Variants in GPC6 observed in about 807,000 individuals in gnomAD.
GPC6 encodes the protein glypican 6, also known as glypican-6.
Under a neutral mutation model 55.2 loss-of-function variants are expected in GPC6, and 14 were observed. The ratio of observed to expected loss-of-function variants is 0.25; its 90% CI spans 0.17 to 0.40. GPC6 has a LOEUF of 0.40. Ranked by LOEUF, GPC6 falls within the 10% of genes least tolerant of loss-of-function variation. The pLI is 1.00. For missense variants in GPC6, 641 were observed against 708.5 expected, an observed-to-expected ratio of 0.90 and a Z score of 1.08; for synonymous variants, 278 against 259.6, an observed-to-expected ratio of 1.07 and a Z score of -0.68.
chr13:94,065,603 G>A (rs1884490609), intron 4 of GPC6, among the ~76,000 whole-genome samples: 1 of 152,134 alleles, frequency 6.6e-6, no homozygotes. Flanking sequence ...TAACATTCAT[G>A]TACAGAATAT....
At chr13:93,379,246 G>A (rs1739316093) in intron 1 of GPC6, among the ~76,000 whole-genome samples, 1 of 152,090 alleles carries the variant, frequency 6.6e-6, no homozygotes. Flanking sequence ...GACCTATATA[G>A]TGAGCAAATT....
chr13:93,327,321 C>T (rs983431717), intron 1 of GPC6, among the ~76,000 whole-genome samples: 3 of 152,084 alleles, frequency 2.0e-5, no homozygotes, highest in African/African-American at 7.2e-5. Context: ...GATTGTGATA[C>T]CTTTCTTTAC....
At chr13:93,423,212 T>C (rs1876990257) in intron 1 of GPC6, among the ~76,000 whole-genome samples, 1 of 152,050 alleles carries the variant, frequency 6.6e-6, no homozygotes, top group Non-Finnish European at 1.5e-5. Context: ...ATGAGAAAAA[T>C]TAATAAAAAT....
At chr13:93,309,978 A>G (rs1879009848) in intron 1 of GPC6, among the ~76,000 whole-genome samples, 1 of 152,228 alleles carries the variant, frequency 6.6e-6, no homozygotes, top group South Asian at 2.1e-4. Flanking sequence ...AGCATTTTGT[A>G]AGAAGGGTTG....
intron 4 of GPC6, among the ~76,000 whole-genome samples, chr13:94,096,270 C>T (rs984791586): frequency 1.3e-5 from 2 of 150,226 alleles, no homozygotes; most frequent in African/African-American, 2.4e-5. Context: ...GAAGGGACTA[C>T]ATTACTGAAC....
At chr13:93,537,457 C>A (rs2139421511) in intron 1 of GPC6, among the ~76,000 whole-genome samples, 1 of 152,204 alleles carries the variant, frequency 6.6e-6, no homozygotes, top group African/African-American at 2.4e-5. Flanking sequence ...GGACATCAAT[C>A]AGTTATCAAT....
At chr13:93,488,931 G>A (rs1023560029) in intron 1 of GPC6, among the ~76,000 whole-genome samples, 38 of 151,986 alleles carry the variant, frequency 2.5e-4, no homozygotes, top group Admixed American at 3.9e-4. Flanking sequence ...GCCTGTTCCC[G>A]CTGATGGTAG....
At chr13:94,082,273 C>G (rs1007613598) in intron 4 of GPC6, among the ~76,000 whole-genome samples, 7 of 152,190 alleles carry the variant, frequency 4.6e-5, no homozygotes, top group Non-Finnish European at 8.8e-5. Context: ...TCTGTGTCTA[C>G]TCAAAACCAC....
intron 1 of GPC6, among the ~76,000 whole-genome samples, chr13:93,264,036 C>T (rs1276858750): frequency 6.6e-6 from 1 of 152,080 alleles, no homozygotes; most frequent in Non-Finnish European, 1.5e-5. Context: ...TAGCTCCTGG[C>T]CTATCCCTGC....
intron 3 of GPC6, among the ~76,000 whole-genome samples, chr13:93,979,664 C>A (rs1208536700): frequency 6.6e-6 from 1 of 152,030 alleles, no homozygotes; most frequent in Non-Finnish European, 1.5e-5. Context: ...TTAAACAAGG[C>A]ACTTTGAATA....
At chr13:93,248,642 A>G (rs920797722) in intron 1 of GPC6, among the ~76,000 whole-genome samples, 3 of 152,164 alleles carry the variant, frequency 2.0e-5, no homozygotes, top group African/African-American at 7.2e-5. Context: ...GGTTCCTGGA[A>G]GTACTGAGCT....
Position 93,820,134 on chromosome 13 carries a change from A to G in GPC6, c.320-10020A>G, listed in dbSNP as rs11843992. 5.0e-3 allele frequency among the ~76,000 whole-genome samples: 756 copies of G among 152,328 alleles called. 6 individuals are homozygous for G. The highest frequency in any genetic ancestry group is 0.017 in the African/African-American group (722 of 41,586). ...TTGGTGCAAGGTATTGATTATTTTT[A>G]ATGAACATTCATGGTTGTATACTGA... On this transcript the variant is annotated intron_variant, in intron 2 of 8. Coordinates refer to ENST00000377047, the MANE Select transcript of GPC6 (RefSeq NM_005708.5).
At chr13:93,711,329 C>A (rs1441941906) in intron 2 of GPC6, among the ~76,000 whole-genome samples, 1 of 151,632 alleles carries the variant, frequency 6.6e-6, no homozygotes, top group East Asian at 2.0e-4. Flanking sequence ...AGGGGAACTC[C>A]CGTTCATAAA....
intron 2 of GPC6, among the ~76,000 whole-genome samples, chr13:93,661,241 C>G (rs893217618): frequency 6.6e-6 from 1 of 151,840 alleles, no homozygotes; most frequent in African/African-American, 2.4e-5. Flanking sequence ...TTTGAGAGAG[C>G]CTCACTCTGT....
At chr13:94,329,457 C>A (rs1877298061) in intron 6 of GPC6, among the ~76,000 whole-genome samples, 1 of 152,124 alleles carries the variant, frequency 6.6e-6, no homozygotes, top group Non-Finnish European at 1.5e-5. Context: ...ATGTCCAATT[C>A]CTCCCTCAGA....
intron 1 of GPC6, among the ~76,000 whole-genome samples, chr13:93,276,281 A>T (rs1289779579): frequency 6.6e-6 from 1 of 152,036 alleles, no homozygotes; most frequent in East Asian, 1.9e-4. Flanking sequence ...AAGATGAAAA[A>T]GAAAGTCCGG....
At chr13:94,211,300 C>G (rs1312255861) in intron 4 of GPC6, among the ~76,000 whole-genome samples, 4 of 152,122 alleles carry the variant, frequency 2.6e-5, no homozygotes, top group East Asian at 1.9e-4. Flanking sequence ...TAGCAAGATA[C>G]TGATTAGGGT....
At chr13:93,827,251 G>C (rs1316499023) in intron 2 of GPC6, among the ~76,000 whole-genome samples, 1 of 152,138 alleles carries the variant, frequency 6.6e-6, no homozygotes, top group Non-Finnish European at 1.5e-5. Flanking sequence ...TCTCTCTGAT[G>C]TTGCTTGCAC....
chr13:94,403,118 C>A lies in GPC6; in HGVS notation c.1569C>A (p.Asp523Glu). The change falls in exon 9 of 9, where the codon GAC (aspartate) becomes GAA (glutamate). Residue 523 changes from aspartate (D) to glutamate (E), a missense_variant. Asp to Glu is a conservative substitution (Grantham distance 45, BLOSUM62 2). Transcript: ENST00000377047. ...CAGAGGCCCCCGCAGTGGATCCCGACCGGAGAGAGGTGGACTCTTCTGCAG... is the reference window on the plus strand; with the variant it reads ...CAGAGGCCCCCGCAGTGGATCCCGAACGGAGAGAGGTGGACTCTTCTGCAG... ...VTTEAPAVDP[D>E]RREVDSSAAQ... 1.2e-6 allele frequency: 2 copies of A among 1,613,840 alleles called. No individual in the cohort carries two copies. Among genetic ancestry groups the A allele is most frequent in the South Asian group, 1.1e-5 (1 of 91,082 alleles).
Sources: gnomAD v4.1 joint callset for allele counts (sites outside exome capture counted in the v4.1 genomes callset) on GRCh38, gnomAD v4.1.1 for gene constraint, MANE v1.5 for transcripts, NCBI Gene and HGNC (gene_info 2026-07-23, HGNC 2026-07-21) for gene names.